The following RPS6KC1 variants were observed in gnomAD, a reference collection of about 807,000 sequenced individuals.
The protein encoded by RPS6KC1 is ribosomal protein S6 kinase C1.
A neutral mutation model predicts 103.8 loss-of-function variants in RPS6KC1; 54 were observed. The observed-to-expected ratio is 0.52, with a 90% CI of 0.42 to 0.65. RPS6KC1 has a LOEUF of 0.65. Ranked by LOEUF, RPS6KC1 falls within the 30% of genes least tolerant of loss-of-function variation. The probability of loss-of-function intolerance (pLI) is 0.00; values close to 1 mark genes in which losing one functional copy is unlikely to be tolerated. For missense variants in RPS6KC1, 1,151 were observed against 1,253.8 expected (o/e 0.92, Z 1.24); for synonymous variants, 439 against 438.7 (o/e 1.00, Z -0.01).
At chr1:213,507,433 G>A in the RPS6KC1 span, among the ~76,000 whole-genome samples, 1 of 152,108 alleles carries the variant, frequency 6.6e-6, no homozygotes, top group Non-Finnish European at 1.5e-5. Context: ...GAACTCAGGT[G>A]GTAGCAAGAG....
At chr1:213,197,570 C>T (rs568318843) in intron 8 of RPS6KC1, among the ~76,000 whole-genome samples, 22 of 151,642 alleles carry the variant, frequency 1.5e-4, no homozygotes, top group African/African-American at 3.9e-4. Context: ...TTTTTGTAGT[C>T]GTTGCAAAAG....
chr1:213,787,558 T>C, the RPS6KC1 span, among the ~76,000 whole-genome samples: 5 of 152,008 alleles, frequency 3.3e-5, no homozygotes, highest in African/African-American at 1.2e-4. Context: ...ACAGGTGGAG[T>C]TCACAGTACT....
chr1:213,184,591 A>ATTTGAAATTTTTC (rs754483522), intron 8 of RPS6KC1, among the ~76,000 whole-genome samples: 64 of 151,896 alleles, frequency 4.2e-4, no homozygotes, highest in Non-Finnish European at 6.9e-4. Flanking sequence ...TCATTAAATT[A>ATTTGAAATTTTTC]TTTGAAATTT....
chr1:213,333,628 A>G, the RPS6KC1 span, among the ~76,000 whole-genome samples: 1 of 152,118 alleles, frequency 6.6e-6, no homozygotes, highest in Non-Finnish European at 1.5e-5. Flanking sequence ...GGACATTTCG[A>G]TAACAAGAAG....
chr1:213,051,979 G>A (rs1346629787), intron 1 of RPS6KC1, among the ~76,000 whole-genome samples: 1 of 152,128 alleles, frequency 6.6e-6, no homozygotes, highest in African/African-American at 2.4e-5. Context: ...TCAGTGTTAG[G>A]CCACCAACCT....
chr1:213,714,764 G>T, the RPS6KC1 span, among the ~76,000 whole-genome samples: 4 of 152,240 alleles, frequency 2.6e-5, no homozygotes, highest in African/African-American at 9.6e-5. Context: ...TCTTTGGAGT[G>T]TATTTCCTGT....
At chr1:213,360,744 T>A in the RPS6KC1 span, among the ~76,000 whole-genome samples, 4 of 152,244 alleles carry the variant, frequency 2.6e-5, no homozygotes, top group Non-Finnish European at 5.9e-5. Flanking sequence ...TTGGTGTCGA[T>A]GTCCTTTCTG....
At chr1:213,464,223 G>A in the RPS6KC1 span, among the ~76,000 whole-genome samples, 1 of 152,214 alleles carries the variant, frequency 6.6e-6, no homozygotes, top group East Asian at 1.9e-4. Context: ...CAGTTTAGTA[G>A]CTTTCCACCT....
At chr1:213,592,372 C>T in the RPS6KC1 span, among the ~76,000 whole-genome samples, 1 of 152,112 alleles carries the variant, frequency 6.6e-6, no homozygotes, top group Non-Finnish European at 1.5e-5. Flanking sequence ...CTTATTTTGT[C>T]TGTACAGTTT....
At chr1:213,117,293 A>G (rs749948557) in intron 4 of RPS6KC1, 24 bp from the exon 5 acceptor site, 6 of 1,388,242 alleles carry the variant, frequency 4.3e-6, no homozygotes, top group African/African-American at 1.4e-5. Context: ...TGCTAATGAA[A>G]CACAATTGCT....
At chr1:213,781,309 T>A in the RPS6KC1 span, among the ~76,000 whole-genome samples, 1 of 151,780 alleles carries the variant, frequency 6.6e-6, no homozygotes, top group African/African-American at 2.4e-5. Context: ...TTTGAAGCCT[T>A]CAGAGGGAGC....
chr1:213,284,586 A>T, the RPS6KC1 span, among the ~76,000 whole-genome samples: 4 of 151,888 alleles, frequency 2.6e-5, no homozygotes, highest in South Asian at 6.2e-4. Context: ...AAAGGAATTT[A>T]AAAAATTTTT....
At chr1:213,324,056 C>T in the RPS6KC1 span, among the ~76,000 whole-genome samples, 1 of 152,110 alleles carries the variant, frequency 6.6e-6, no homozygotes, top group Admixed American at 6.5e-5. Flanking sequence ...TTAGCATTTA[C>T]TGGGCATTTG....
the RPS6KC1 span, among the ~76,000 whole-genome samples, chr1:213,593,076 A>G: frequency 1.8e-4 from 28 of 151,908 alleles, no homozygotes; most frequent in Admixed American, 9.2e-4. Context: ...GTGTTCAGCA[A>G]TGGCACTGGT....
At chr1:213,735,099 A>G in the RPS6KC1 span, among the ~76,000 whole-genome samples, 2 of 151,998 alleles carry the variant, frequency 1.3e-5, no homozygotes, top group Admixed American at 1.3e-4. Context: ...AATTTTTTGT[A>G]GTTTTAGTAG....
the RPS6KC1 span, among the ~76,000 whole-genome samples, chr1:213,643,370 G>T: frequency 2.6e-5 from 4 of 151,286 alleles, no homozygotes; most frequent in African/African-American, 7.3e-5. Context: ...ACCTTATAAG[G>T]TATCTACCTA....
the RPS6KC1 span, among the ~76,000 whole-genome samples, chr1:213,477,040 G>C: frequency 6.6e-6 from 1 of 152,170 alleles, no homozygotes; most frequent in African/African-American, 2.4e-5. Flanking sequence ...CCCACTGGGT[G>C]GTGGTGAGAC....
At chr1:213,205,428 G>T in intron 8 of RPS6KC1, 1 of 960,110 alleles carries the variant, frequency 1.0e-6, no homozygotes, top group Non-Finnish European at 1.2e-6. Flanking sequence ...TGATGTGGAT[G>T]GTGGGAAGTA....
intron 8 of RPS6KC1, among the ~76,000 whole-genome samples, chr1:213,219,386 T>A (rs1447502732): frequency 6.6e-6 from 1 of 152,068 alleles, no homozygotes; most frequent in Non-Finnish European, 1.5e-5. Context: ...TATGGAGAAA[T>A]AGGAAGACTT....
Sources: gnomAD v4.1 joint callset for allele counts (sites outside exome capture counted in the v4.1 genomes callset) on GRCh38, gnomAD v4.1.1 for gene constraint, MANE v1.5 for transcripts, NCBI Gene and HGNC (gene_info 2026-07-23, HGNC 2026-07-21) for gene names.